Variants in TBC1D22A observed in about 807,000 individuals in gnomAD.
TBC1D22A encodes the protein TBC1 domain family member 22A, also known as putative GTPase activator.
Under a neutral mutation model 60.2 loss-of-function variants are expected in TBC1D22A, and 38 were observed. That is an observed-to-expected ratio of 0.63 (90% CI 0.49 to 0.83). The LOEUF is 0.83. Ranked by LOEUF, TBC1D22A falls within the 40% of genes least tolerant of loss-of-function variation. The pLI is 0.00. For synonymous variants in TBC1D22A, 302 were observed against 281.7 expected (o/e 1.07, Z -0.72); for missense variants, 628 against 701.0 (o/e 0.90, Z 1.18).
At chr22:46,844,437 C>T (rs2086904572) in intron 4 of TBC1D22A, among the ~76,000 whole-genome samples, 1 of 152,212 alleles carries the variant, frequency 6.6e-6, no homozygotes, top group Admixed American at 6.5e-5. Context: ...TTAAGCACCT[C>T]CTCTGTGCCA....
chr22:46,829,840 G>T (rs766441854), intron 4 of TBC1D22A, among the ~76,000 whole-genome samples: 1 of 152,116 alleles, frequency 6.6e-6, no homozygotes, highest in African/African-American at 2.4e-5. Flanking sequence ...GTTCAGTGCC[G>T]CGTGAAACAA....
At chr22:46,978,608 TTTTG>T (rs1239379615) in intron 9 of TBC1D22A, among the ~76,000 whole-genome samples, 2 of 152,026 alleles carry the variant, frequency 1.3e-5, no homozygotes, top group African/African-American at 2.4e-5. Flanking sequence ...GAAGCGTGTT[TTTTG>T]TTTGTTTGTT....
chr22:46,861,621 GC>G (rs1184701077), intron 4 of TBC1D22A, among the ~76,000 whole-genome samples: 3 of 152,232 alleles, frequency 2.0e-5, no homozygotes, highest in Non-Finnish European at 1.5e-5. Context: ...GGCCAGCGGT[GC>G]CCATGTTCTA....
intron 12 of TBC1D22A, among the ~76,000 whole-genome samples, chr22:47,123,020 A>G (rs1161111727): frequency 1.3e-5 from 2 of 152,180 alleles, no homozygotes; most frequent in Non-Finnish European, 2.9e-5. Flanking sequence ...TTGCACATGG[A>G]GATTTATCAT....
At chr22:46,994,429 C>T (rs1434910592) in intron 9 of TBC1D22A, among the ~76,000 whole-genome samples, 1 of 152,142 alleles carries the variant, frequency 6.6e-6, no homozygotes, top group African/African-American at 2.4e-5. Context: ...CTCCATGGGG[C>T]GAGCATTTCT....
chr22:47,024,465 C>T (rs1217049925), intron 10 of TBC1D22A, among the ~76,000 whole-genome samples: 4 of 152,150 alleles, frequency 2.6e-5, no homozygotes, highest in Non-Finnish European at 5.9e-5. Flanking sequence ...GTGTCCTTCA[C>T]TCGAGGGTTC....
At chr22:47,082,464 G>A (rs2064509849) in intron 11 of TBC1D22A, among the ~76,000 whole-genome samples, 1 of 152,142 alleles carries the variant, frequency 6.6e-6, no homozygotes, top group Non-Finnish European at 1.5e-5. Flanking sequence ...CAGACAGGGA[G>A]GGTATATTTA....
chr22:46,902,451 G>C (rs991284461), intron 7 of TBC1D22A, among the ~76,000 whole-genome samples: 6 of 152,248 alleles, frequency 3.9e-5, no homozygotes, highest in African/African-American at 1.4e-4. Context: ...ATGATATCCA[G>C]TGAGTACTTC....
chr22:47,050,538 G>A (rs773526186), intron 11 of TBC1D22A, among the ~76,000 whole-genome samples: 5 of 152,152 alleles, frequency 3.3e-5, no homozygotes, highest in Admixed American at 6.5e-5. Context: ...GAGAGCATCC[G>A]TTCAGAGTGT....
intron 9 of TBC1D22A, among the ~76,000 whole-genome samples, chr22:46,996,707 C>T (rs1188573795): frequency 1.3e-5 from 2 of 152,230 alleles, no homozygotes; most frequent in Non-Finnish European, 2.9e-5. Context: ...AAAGGGCAGC[C>T]TCCATAGGGA....
chr22:46,823,304 T>C (rs1028266999), intron 4 of TBC1D22A, among the ~76,000 whole-genome samples: 4 of 152,228 alleles, frequency 2.6e-5, no homozygotes, highest in South Asian at 4.1e-4. Flanking sequence ...TTTAGGCTTA[T>C]ATACATAATG....
At position 47,015,953 on chromosome 22, in the gene TBC1D22A, C is replaced by T. The variant is rs1305469330; in HGVS notation, c.1201+18244C>T. Among the ~76,000 whole-genome samples, 4 of 152,198 alleles carry T rather than the reference C, an allele frequency of 2.6e-5. No individual in the cohort carries two copies. The East Asian group carries it at 7.7e-4, about 29-fold the overall frequency. ...TGCTTATCTGCCACTCAGGCCCCTGCAGCCCCCTACCTGGTCTCCTTGGCG... is the reference window on the plus strand; with the variant it reads ...TGCTTATCTGCCACTCAGGCCCCTGTAGCCCCCTACCTGGTCTCCTTGGCG... On this transcript the variant is annotated intron_variant, in intron 10 of 12. Coordinates refer to ENST00000337137, the MANE Select transcript of TBC1D22A (RefSeq NM_014346.5).
At chr22:46,803,659 A>C (rs774364734) in intron 4 of TBC1D22A, among the ~76,000 whole-genome samples, 7 of 152,342 alleles carry the variant, frequency 4.6e-5, no homozygotes, top group Middle Eastern at 3.4e-3. Context: ...ACTGAAAGGC[A>C]GGCACAGCCT....
chr22:46,905,106 G>C (rs1364909961), intron 7 of TBC1D22A, among the ~76,000 whole-genome samples: 1 of 152,256 alleles, frequency 6.6e-6, no homozygotes, highest in Non-Finnish European at 1.5e-5. Context: ...GTGGCTTTCA[G>C]AGGGGGACGG....
At chr22:47,162,241 C>T (rs1161723696) in intron 12 of TBC1D22A, among the ~76,000 whole-genome samples, 3 of 150,356 alleles carry the variant, frequency 2.0e-5, no homozygotes, top group Non-Finnish European at 2.9e-5. Flanking sequence ...TTGAACTTAC[C>T]GGTCTTGTAT....
At chr22:47,154,424 G>A (rs139435544) in intron 12 of TBC1D22A, among the ~76,000 whole-genome samples, 4 of 152,290 alleles carry the variant, frequency 2.6e-5, no homozygotes, top group East Asian at 3.9e-4. Context: ...CACTGTCATG[G>A]CCTGGAAATG....
chr22:47,112,179 C>G (rs1284752074), intron 12 of TBC1D22A, among the ~76,000 whole-genome samples: 1 of 152,254 alleles, frequency 6.6e-6, no homozygotes, highest in African/African-American at 2.4e-5. Context: ...TGTCCAGCCC[C>G]TGACCCACCC....
chr22:46,936,331 G>A (rs974615838), intron 8 of TBC1D22A, among the ~76,000 whole-genome samples: 20 of 151,824 alleles, frequency 1.3e-4, no homozygotes, highest in Admixed American at 8.5e-4. Flanking sequence ...AGTTCTGCAC[G>A]CCCTCGTCCT....
chr22:46,780,526 A>C (rs989535632), intron 1 of TBC1D22A, among the ~76,000 whole-genome samples: 5 of 152,126 alleles, frequency 3.3e-5, no homozygotes, highest in African/African-American at 1.2e-4. Context: ...AACCAGAAAA[A>C]CATTCTGCAG....
Sources: gnomAD v4.1 joint callset for allele counts (sites outside exome capture counted in the v4.1 genomes callset) on GRCh38, gnomAD v4.1.1 for gene constraint, MANE v1.5 for transcripts, NCBI Gene and HGNC (gene_info 2026-07-23, HGNC 2026-07-21) for gene names.